The following CNTNAP2 variants were observed in gnomAD, a reference collection of about 807,000 sequenced individuals.
CNTNAP2 encodes contactin associated protein 2.
CNTNAP2 carries 98 observed loss-of-function variants against 155.2 expected under a neutral mutation model. The ratio of observed to expected loss-of-function variants is 0.63; its 90% confidence interval spans 0.54 to 0.75. The LOEUF is 0.75. CNTNAP2 is among the 30% of genes least tolerant of loss of function. The pLI is 0.00. For missense variants in CNTNAP2, 1,727 were observed against 1,688.1 expected (o/e 1.02, Z -0.40); for synonymous variants, 651 against 631.2 (o/e 1.03, Z -0.47).
intron 1 of CNTNAP2, among the ~76,000 whole-genome samples, chr7:146,384,319 T>A (rs868003608): frequency 6.6e-5 from 10 of 152,264 alleles, no homozygotes; most frequent in African/African-American, 2.2e-4. Flanking sequence ...CATATGAAGA[T>A]CAGTGGAGCA....
intron 12 of CNTNAP2, among the ~76,000 whole-genome samples, chr7:147,603,375 T>G (rs1800995148): frequency 6.6e-6 from 1 of 152,176 alleles, no homozygotes; most frequent in Non-Finnish European, 1.5e-5. Flanking sequence ...CAGCAAAGTC[T>G]CAGGATACAA....
chr7:148,115,967 C>T (rs1025319948), intron 15 of CNTNAP2, among the ~76,000 whole-genome samples: 2 of 151,832 alleles, frequency 1.3e-5, no homozygotes, highest in Non-Finnish European at 2.9e-5. Context: ...GGTGAAACCC[C>T]GTCTCTACTA....
intron 1 of CNTNAP2, among the ~76,000 whole-genome samples, chr7:146,271,205 C>T (rs1473599780): frequency 6.6e-6 from 1 of 151,874 alleles, no homozygotes; most frequent in Non-Finnish European, 1.5e-5. Context: ...GTCATCAAGA[C>T]CAAATTTATC....
intron 3 of CNTNAP2, among the ~76,000 whole-genome samples, chr7:146,996,379 C>T (rs1178103874): frequency 6.6e-6 from 1 of 151,954 alleles, no homozygotes; most frequent in African/African-American, 2.4e-5. Context: ...TTTGTGTCTT[C>T]TTCAATATGT....
intron 1 of CNTNAP2, among the ~76,000 whole-genome samples, chr7:146,450,289 C>T (rs1796459751): frequency 1.3e-5 from 2 of 152,156 alleles, no homozygotes; most frequent in African/African-American, 4.8e-5. Context: ...TTATCTATTG[C>T]TGCATAGCAT....
At chr7:147,721,715 G>A (rs576406339) in intron 13 of CNTNAP2, among the ~76,000 whole-genome samples, 2 of 152,126 alleles carry the variant, frequency 1.3e-5, no homozygotes, top group East Asian at 3.9e-4. Flanking sequence ...AATCCTGGAG[G>A]AAAACAGGAA....
At chr7:146,344,877 A>G (rs565441758) in intron 1 of CNTNAP2, among the ~76,000 whole-genome samples, 8 of 152,204 alleles carry the variant, frequency 5.3e-5, no homozygotes, top group Non-Finnish European at 1.0e-4. Flanking sequence ...CCAAAAAATT[A>G]CTAAAAATTC....
Position 148,405,420 on chromosome 7 carries a change from A to ATTTTTTTTTTTTTT in CNTNAP2, c.3716-3958_3716-3945dup, listed in dbSNP as rs36020816. On this transcript the variant is annotated intron_variant, in intron 22 of 23. Transcript: ENST00000361727. ...TCAAGGGAACCAGATTACCATTGTAATTTTTTTTTTTTTTTTTTTTTTTTT... is the reference window on the plus strand; with the variant it reads ...TCAAGGGAACCAGATTACCATTGTAATTTTTTTTTTTTTTTTTTTTTTTTTTTTTTTTTTTTTTT... Among the ~76,000 whole-genome samples, 227 of 64,298 alleles carry ATTTTTTTTTTTTTT rather than the reference A, an allele frequency of 3.5e-3. 47 individuals are homozygous for ATTTTTTTTTTTTTT. Among genetic ancestry groups the ATTTTTTTTTTTTTT allele is most frequent in the African/African-American group, 0.015 (189 of 12,646 alleles). The allele number at this position is 64,298 out of a possible 152,430, so 42.2% of individuals were successfully genotyped here.
chr7:148,415,386 T>C (rs1025179151), intron 23 of CNTNAP2, 31 bp from the exon 24 acceptor site: 1 of 1,609,478 alleles, frequency 6.2e-7, no homozygotes, highest in Non-Finnish European at 8.5e-7. Context: ...AAGCCCTGTC[T>C]AACCTCTCGT....
chr7:147,333,438 T>C (rs753106793), intron 9 of CNTNAP2, among the ~76,000 whole-genome samples: 19 of 152,208 alleles, frequency 1.2e-4, no homozygotes, highest in South Asian at 4.1e-4. Flanking sequence ...TATATTGTCA[T>C]TGAATGCTAA....
intron 21 of CNTNAP2, among the ~76,000 whole-genome samples, chr7:148,299,283 C>T (rs927134464): frequency 6.6e-6 from 1 of 152,204 alleles, no homozygotes; most frequent in Non-Finnish European, 1.5e-5. Context: ...AGCCACCACA[C>T]CCGGCCCCAA....
chr7:148,024,226 A>G (rs1802337575), intron 15 of CNTNAP2, among the ~76,000 whole-genome samples: 1 of 151,810 alleles, frequency 6.6e-6, no homozygotes, highest in South Asian at 2.1e-4. Flanking sequence ...GGCTAGATAC[A>G]GAATGAAAAA....
intron 11 of CNTNAP2, among the ~76,000 whole-genome samples, chr7:147,493,468 C>G (rs1452929799): frequency 2.0e-5 from 3 of 152,056 alleles, no homozygotes; most frequent in Non-Finnish European, 4.4e-5. Flanking sequence ...GACCACAGGA[C>G]ACTAAGGACC....
chr7:146,563,068 G>A (rs903086779), intron 1 of CNTNAP2, among the ~76,000 whole-genome samples: 1 of 152,072 alleles, frequency 6.6e-6, no homozygotes, highest in Non-Finnish European at 1.5e-5. Flanking sequence ...TGCACACACA[G>A]AATTTTAAAT....
At chr7:146,475,013 G>GCGCACACACACA (rs71525954) in intron 1 of CNTNAP2, among the ~76,000 whole-genome samples, 7 of 144,304 alleles carry the variant, frequency 4.9e-5, no homozygotes, top group African/African-American at 7.9e-5. Context: ...GCGCGCGCGC[G>GCGCACACACACA]CACACACACA....
intron 12 of CNTNAP2, among the ~76,000 whole-genome samples, chr7:147,601,636 T>TAAAAAAA (rs370619019): frequency 3.0e-4 from 21 of 69,204 alleles, no homozygotes; most frequent in East Asian, 8.9e-4. Context: ...CATTGACTCT[T>TAAAAAAA]AAAAAAAAAT....
chr7:146,187,358 A>T (rs1798638879), intron 1 of CNTNAP2, among the ~76,000 whole-genome samples: 1 of 152,304 alleles, frequency 6.6e-6, no homozygotes, highest in Admixed American at 6.5e-5. Flanking sequence ...TGCTTTTGGC[A>T]ATGGTAGAAG....
At chr7:146,147,754 A>G (rs1166019958) in intron 1 of CNTNAP2, among the ~76,000 whole-genome samples, 2 of 152,180 alleles carry the variant, frequency 1.3e-5, no homozygotes, top group African/African-American at 4.8e-5. Flanking sequence ...AAAATGCATT[A>G]TGAATATACA....
At chr7:147,659,022 GAT>G (rs1795574174) in intron 13 of CNTNAP2, among the ~76,000 whole-genome samples, 1 of 152,174 alleles carries the variant, frequency 6.6e-6, no homozygotes, top group Non-Finnish European at 1.5e-5. Context: ...AGACAACAGA[GAT>G]GATTGCTTAA....
Sources: gnomAD v4.1 joint callset for allele counts (sites outside exome capture counted in the v4.1 genomes callset) on GRCh38, gnomAD v4.1.1 for gene constraint, MANE v1.5 for transcripts, NCBI Gene and HGNC (gene_info 2026-07-23, HGNC 2026-07-21) for gene names.